The following TNFAIP6 variants were observed in gnomAD, a reference collection of about 807,000 sequenced individuals.
TNFAIP6 encodes TNF alpha induced protein 6.
Under a neutral mutation model 33.7 loss-of-function variants are expected in TNFAIP6, and 36 were observed. The ratio of observed to expected loss-of-function variants is 1.07; its 90% CI spans 0.82 to 1.41. The LOEUF (loss-of-function observed/expected upper bound fraction) is 1.41. TNFAIP6 is among the 40% of genes most tolerant of loss of function. The pLI, the probability that TNFAIP6 is intolerant of heterozygous loss-of-function variation, is 0.00. For synonymous variants in TNFAIP6, 113 were observed against 112.8 expected (o/e 1.00, Z -0.01); for missense variants, 273 against 331.9 (o/e 0.82, Z 1.38).
intron 1 of TNFAIP6, among the ~76,000 whole-genome samples, chr2:151,362,640 G>C (rs1684646369): frequency 6.6e-6 from 1 of 151,610 alleles, no homozygotes; most frequent in African/African-American, 2.4e-5. Flanking sequence ...ACAGGTGCCT[G>C]CCACCACGCC....
chr2:151,379,513 G>T lies in TNFAIP6; in HGVS notation c.814G>T (p.Gly272Ter). 1 of 1,553,392 alleles carries T rather than the reference G, an allele frequency of 6.4e-7. No homozygotes were observed. The highest frequency in any genetic ancestry group is 8.6e-7 in the Non-Finnish European group (1 of 1,158,410). The stretch of plus-strand genomic sequence containing the variant: ...TACTGGAAATAAAAACTTTTTAGCT[G>T]GAAGATTTAGCCACTTATAAAAAAA... ...TSTGNKNFLA[G>*]RFSHL Residue 272 changes from glycine to a stop codon, truncating the protein, a stop_gained, in exon 6 of 6, where the codon GGA becomes TGA. Coordinates refer to ENST00000243347, the MANE Select transcript of TNFAIP6 (RefSeq NM_007115.4). LOFTEE classifies it high-confidence loss of function.
chr2:151,380,962 G>T (rs1332236020), downstream of TNFAIP6, among the ~76,000 whole-genome samples: 1 of 151,980 alleles, frequency 6.6e-6, no homozygotes, highest in Non-Finnish European at 1.5e-5. Context: ...TTTTATTTTT[G>T]TTTTGTCACT....
At chr2:151,358,439 A>G (rs996582502) in intron 1 of TNFAIP6, among the ~76,000 whole-genome samples, 3 of 152,220 alleles carry the variant, frequency 2.0e-5, no homozygotes, top group African/African-American at 7.2e-5. Flanking sequence ...GTGAAGATAA[A>G]CAATAGATCA....
intron 5 of TNFAIP6, among the ~76,000 whole-genome samples, chr2:151,375,125 CAAAAA>C (rs71403161): frequency 1.3e-5 from 1 of 78,930 alleles, no homozygotes; most frequent in Admixed American, 1.6e-4. Context: ...AACTCCGTCT[CAAAAA>C]AAAAAAAAAA....
At chr2:151,362,153 AC>A (rs753426075) in intron 1 of TNFAIP6, among the ~76,000 whole-genome samples, 2 of 152,198 alleles carry the variant, frequency 1.3e-5, no homozygotes, top group Non-Finnish European at 2.9e-5. Flanking sequence ...ATTAGAGCTA[AC>A]TACAGAGCTA....
intron 3 of TNFAIP6, among the ~76,000 whole-genome samples, chr2:151,369,134 G>A (rs1684767909): frequency 6.6e-6 from 1 of 152,104 alleles, no homozygotes; most frequent in African/African-American, 2.4e-5. Context: ...AGGCTACAGT[G>A]AGCCGAGATT....
intron 4 of TNFAIP6, among the ~76,000 whole-genome samples, chr2:151,371,516 G>A (rs1007464842): frequency 1.3e-5 from 2 of 151,968 alleles, no homozygotes; most frequent in African/African-American, 4.8e-5. Flanking sequence ...AAAACCAAAG[G>A]CATTTCTTGC....
intron 1 of TNFAIP6, among the ~76,000 whole-genome samples, 154 bp from the exon 2 acceptor site, chr2:151,363,789 C>G (rs1035057226): frequency 1.3e-5 from 2 of 152,156 alleles, no homozygotes; most frequent in African/African-American, 4.8e-5. Context: ...CCAAAGTTTC[C>G]TAACAGTGAA....
At chr2:151,368,770 A>G (rs1299431201) in intron 3 of TNFAIP6, among the ~76,000 whole-genome samples, 1 of 152,152 alleles carries the variant, frequency 6.6e-6, no homozygotes, top group Non-Finnish European at 1.5e-5. Flanking sequence ...TGATTTTCCA[A>G]GCAGAATTTA....
chr2:151,363,840 G>T (rs1373603082), intron 1 of TNFAIP6, 103 bp from the exon 2 acceptor site: 13 of 1,419,610 alleles, frequency 9.2e-6, no homozygotes, highest in Non-Finnish European at 1.2e-5. Context: ...AAGCCCTTTG[G>T]CAGGAACAAT....
chr2:151,373,133 C>T (rs558389641), intron 4 of TNFAIP6, among the ~76,000 whole-genome samples: 4 of 152,082 alleles, frequency 2.6e-5, no homozygotes, highest in African/African-American at 7.2e-5. Flanking sequence ...GCCTGGCCAA[C>T]ATGGTGAAAC....
chr2:151,375,825 G>A (rs1432922732), intron 5 of TNFAIP6, among the ~76,000 whole-genome samples: 1 of 152,046 alleles, frequency 6.6e-6, no homozygotes, highest in Non-Finnish European at 1.5e-5. Context: ...AGAAAATAAA[G>A]ACATTGGCCA....
chr2:151,363,838 TG>T (rs1329918144), intron 1 of TNFAIP6, 104 bp from the exon 2 acceptor site: 29 of 1,407,258 alleles, frequency 2.1e-5, no homozygotes, highest in Non-Finnish European at 2.6e-5. Flanking sequence ...GAAAGCCCTT[TG>T]GCAGGAACAA....
At chr2:151,366,814 T>C (rs1684719438) in intron 3 of TNFAIP6, among the ~76,000 whole-genome samples, 1 of 152,188 alleles carries the variant, frequency 6.6e-6, no homozygotes, top group Admixed American at 6.5e-5. Context: ...ATATACTAGC[T>C]ATCATTATAC....
Position 151,370,171 on chromosome 2 carries a change from T to C in TNFAIP6, c.546T>C (p.Leu182=). The change falls in exon 4 of 6, where the codon CTT becomes CTC. Residue 182 remains leucine, a synonymous_variant. Transcript: ENST00000243347. ...ACCTGAGTTTTTTAGATTTTGACCT[T>C]GAAGATGACCCAGGTTGCTTGGCTG... ...RIHLSFLDFD[L]EDDPGCLADY... 6.2e-7 allele frequency: 1 copy of C among 1,614,112 alleles called. No homozygotes were observed. Among genetic ancestry groups the C allele is most frequent in the Non-Finnish European group, 8.5e-7 (1 of 1,180,008 alleles).
At chr2:151,369,586 C>A (rs1363627311) in intron 3 of TNFAIP6, among the ~76,000 whole-genome samples, 4 of 152,084 alleles carry the variant, frequency 2.6e-5, no homozygotes, top group African/African-American at 9.7e-5. Context: ...CCAGCCTGGG[C>A]AACATTGCAA....
chr2:151,366,169 C>G lies in TNFAIP6; in HGVS notation c.346C>G (p.Arg116Gly). The G allele has an allele frequency of 6.2e-7, 1 of 1,614,020 alleles. No individual in the cohort carries two copies. Among genetic ancestry groups the G allele is most frequent in the Non-Finnish European group, 8.5e-7 (1 of 1,179,940 alleles). ...AACTGGCATTATTGATTATGGAATC[C>G]GTCTCAATAGGAGTGAAAGATGGGA... ...GKTGIIDYGI[R>G]LNRSERWDAY... The change falls in exon 3 of 6, where the codon CGT becomes GGT. Residue 116 changes from arginine (R) to glycine (G), a missense_variant. By Grantham distance (125) the Arg-to-Gly change is moderately radical. Coordinates refer to ENST00000243347, the MANE Select transcript of TNFAIP6 (RefSeq NM_007115.4).
chr2:151,378,480 A>C (rs1262911617), intron 5 of TNFAIP6, among the ~76,000 whole-genome samples: 1 of 150,636 alleles, frequency 6.6e-6, no homozygotes, highest in Non-Finnish European at 1.5e-5. Context: ...TCCTTCTACA[A>C]AGAGTATCTT....
intron 2 of TNFAIP6, among the ~76,000 whole-genome samples, chr2:151,364,344 A>C (rs1227913892): frequency 6.6e-6 from 1 of 152,234 alleles, no homozygotes; most frequent in East Asian, 1.9e-4. Context: ...CATTATTTCA[A>C]TATTATTTAA....
Sources: allele counts gnomAD v4.1 joint callset (sites outside exome capture counted in the v4.1 genomes callset), GRCh38; gene constraint gnomAD v4.1.1; transcripts MANE v1.5; gene names NCBI Gene and HGNC (gene_info 2026-07-23, HGNC 2026-07-21).